The following WFDC9 variants were observed in gnomAD, a reference collection of about 807,000 sequenced individuals.
WFDC9 encodes the protein protein WFDC9.
In WFDC9, 9 loss-of-function variants were observed where a neutral mutation model predicts 9.5. That is an observed-to-expected ratio of 0.95 (90% CI 0.57 to 1.65). The LOEUF is 1.65. Ranked by LOEUF, WFDC9 falls within the 40% of genes most tolerant of loss-of-function variation. The pLI is 0.00. For synonymous variants in WFDC9, 33 were observed against 32.3 expected, an observed-to-expected ratio of 1.02 and a Z score of -0.07; for missense variants, 87 against 106.7, an observed-to-expected ratio of 0.82 and a Z score of 0.81.
chr20:45,611,118 C>T (rs1448528391), intron 2 of WFDC9, among the ~76,000 whole-genome samples: 3 of 152,158 alleles, frequency 2.0e-5, no homozygotes, highest in South Asian at 2.1e-4. Flanking sequence ...AAATCTCCCA[C>T]GAAAGAGTCA....
At chr20:45,623,394 C>T (rs566903615) in intron 1 of WFDC9, among the ~76,000 whole-genome samples, 26 of 152,132 alleles carry the variant, frequency 1.7e-4, no homozygotes, top group African/African-American at 5.8e-4. Flanking sequence ...AATCCTAACA[C>T]TTTGGGAGGC....
chr20:45,617,372 T>A (rs909277117), intron 1 of WFDC9, among the ~76,000 whole-genome samples: 1 of 152,136 alleles, frequency 6.6e-6, no homozygotes, highest in South Asian at 2.1e-4. Flanking sequence ...GGAGAATCAC[T>A]TGGACCCAGG....
intron 1 of WFDC9, among the ~76,000 whole-genome samples, chr20:45,624,299 A>G (rs1485109151): frequency 2.6e-5 from 4 of 152,150 alleles, no homozygotes; most frequent in South Asian, 2.1e-4. Context: ...TTCTCCAGAT[A>G]TGAGTGAGAC....
At chr20:45,615,689 T>C (rs975579693) in intron 1 of WFDC9, among the ~76,000 whole-genome samples, 1 of 152,172 alleles carries the variant, frequency 6.6e-6, no homozygotes, top group Non-Finnish European at 1.5e-5. Context: ...GCTAGTAAAA[T>C]TTGCAAACTT....
intron 1 of WFDC9, among the ~76,000 whole-genome samples, chr20:45,619,795 C>A (rs958234036): frequency 6.6e-6 from 1 of 152,066 alleles, no homozygotes; most frequent in East Asian, 1.9e-4. Flanking sequence ...GAGGCTGAAG[C>A]GGGTGGATTA....
intron 3 of WFDC9, 66 bp from the exon 4 acceptor site, chr20:45,608,876 T>A: frequency 6.7e-7 from 1 of 1,486,596 alleles, no homozygotes; most frequent in South Asian, 1.4e-5. Flanking sequence ...TTTCTAAGCT[T>A]AACAATCCCT....
chr20:45,622,983 A>T (rs1982134565), intron 1 of WFDC9, among the ~76,000 whole-genome samples: 1 of 152,146 alleles, frequency 6.6e-6, no homozygotes, highest in East Asian at 1.9e-4. Flanking sequence ...AACCTAAAAC[A>T]GTTTAGGTTA....
In WFDC9 at chr20:45,608,767, A is replaced by G; in HGVS notation, c.135T>C (p.Pro45=). 1 of 1,614,060 alleles carries G rather than the reference A, an allele frequency of 6.2e-7. No individual in the cohort carries two copies. Among genetic ancestry groups the G allele is most frequent in the East Asian group, 2.2e-5 (1 of 44,870 alleles). The stretch of plus-strand genomic sequence containing the variant: ...ACCTTTTCTCACAGTACTTATATGG[A>G]GGCTGTACCCAGCACTGCTCAGTTT... ...IRETEQCWVQ[P]PYKYCEKRCT... Residue 45 remains proline (P), a synonymous_variant, in exon 4 of 5, where the codon CCT becomes CCC. Transcript: ENST00000326000.
At chr20:45,625,427 T>C (rs1007806118) in intron 1 of WFDC9, among the ~76,000 whole-genome samples, 1 of 152,188 alleles carries the variant, frequency 6.6e-6, no homozygotes, top group Non-Finnish European at 1.5e-5. Context: ...AATGTGTCGA[T>C]TGTTTCCTTT....
intron 1 of WFDC9, among the ~76,000 whole-genome samples, chr20:45,626,857 G>T (rs939610556): frequency 6.6e-6 from 1 of 152,176 alleles, no homozygotes; most frequent in Non-Finnish European, 1.5e-5. Context: ...TCATGGAGGG[G>T]CATGGAGGCT....
At chr20:45,621,297 G>A (rs1344242517) in intron 1 of WFDC9, among the ~76,000 whole-genome samples, 3 of 152,104 alleles carry the variant, frequency 2.0e-5, no homozygotes, top group Non-Finnish European at 2.9e-5. Flanking sequence ...ACAGTTTTTA[G>A]TTCATGATTA....
chr20:45,620,354 G>A lies in WFDC9; in HGVS notation c.-152-5633C>T, dbSNP rs182924614. On this transcript the variant is annotated intron_variant, in intron 1 of 4. Coordinates refer to ENST00000326000, the MANE Select transcript of WFDC9 (RefSeq NM_147198.4). ...GATGGCTCACACCAGCACTTTTGGA[G>A]GCAGAGGTGGGTGGATTGCTTGAGG... is the stretch of plus-strand genomic sequence containing the variant. 3.8e-3 allele frequency among the ~76,000 whole-genome samples: 577 copies of A among 152,248 alleles called. 3 individuals carry two copies. Among genetic ancestry groups the A allele is most frequent in the Non-Finnish European group, 4.2e-3 (284 of 68,028 alleles).
intron 1 of WFDC9, among the ~76,000 whole-genome samples, chr20:45,629,225 T>C (rs1982295330): frequency 6.6e-6 from 1 of 152,178 alleles, no homozygotes; most frequent in Non-Finnish European, 1.5e-5. Flanking sequence ...AAATCAAAGA[T>C]TTATAAATAA....
intron 1 of WFDC9, among the ~76,000 whole-genome samples, chr20:45,624,915 C>G (rs1265234348): frequency 6.6e-6 from 1 of 152,008 alleles, no homozygotes; most frequent in Non-Finnish European, 1.5e-5. Flanking sequence ...AGATCATTTG[C>G]CCATTTTTTA....
At chr20:45,627,470 C>G (rs1982245978) in intron 1 of WFDC9, among the ~76,000 whole-genome samples, 1 of 152,134 alleles carries the variant, frequency 6.6e-6, no homozygotes, top group South Asian at 2.1e-4. Flanking sequence ...TCAGGGGAGA[C>G]TTTTTATTAC....
At chr20:45,630,951 G>C (rs1341136729) in intron 1 of WFDC9, 1 of 1,612,182 alleles carries the variant, frequency 6.2e-7, no homozygotes, top group Admixed American at 1.7e-5. Flanking sequence ...GAATCTCACC[G>C]AGATTGTCAA....
intron 1 of WFDC9, among the ~76,000 whole-genome samples, chr20:45,623,427 G>A (rs1386183451): frequency 6.6e-6 from 1 of 151,912 alleles, no homozygotes; most frequent in Non-Finnish European, 1.5e-5. Flanking sequence ...ACCACCTGAG[G>A]TCAGGAGTGG....
At chr20:45,626,980 G>C (rs1982232623) in intron 1 of WFDC9, among the ~76,000 whole-genome samples, 1 of 152,172 alleles carries the variant, frequency 6.6e-6, no homozygotes, top group Non-Finnish European at 1.5e-5. Context: ...TTATTATGTG[G>C]AGGTGCTTTC....
At chr20:45,628,229 A>G (rs1341285526) in intron 1 of WFDC9, among the ~76,000 whole-genome samples, 1 of 152,210 alleles carries the variant, frequency 6.6e-6, no homozygotes, top group Non-Finnish European at 1.5e-5. Context: ...TGAGTATTCT[A>G]AAACAATGGG....
Sources: allele counts gnomAD v4.1 joint callset (sites outside exome capture counted in the v4.1 genomes callset), GRCh38; gene constraint gnomAD v4.1.1; transcripts MANE v1.5; gene names NCBI Gene and HGNC (gene_info 2026-07-23, HGNC 2026-07-21).